DYNC2I1: variants seen among roughly 807,000 people sequenced by gnomAD.
DYNC2I1 encodes cytoplasmic dynein 2 intermediate chain 1.
DYNC2I1 carries 89 observed loss-of-function variants against 133.4 expected under a neutral mutation model. That is an observed-to-expected ratio of 0.67 (90% CI 0.56 to 0.80). The LOEUF (loss-of-function observed/expected upper bound fraction) is 0.80. DYNC2I1 is among the 30% of genes least tolerant of loss of function. The pLI is 0.00. For synonymous variants in DYNC2I1, 504 were observed against 484.3 expected, an observed-to-expected ratio of 1.04 and a Z score of -0.54; for missense variants, 1,291 against 1,314.5, an observed-to-expected ratio of 0.98 and a Z score of 0.28.
At chr7:158,882,765 A>G (rs1317617355) in intron 5 of DYNC2I1, among the ~76,000 whole-genome samples, 1 of 151,982 alleles carries the variant, frequency 6.6e-6, no homozygotes, top group Non-Finnish European at 1.5e-5. Context: ...AATCCCAGCT[A>G]CTTGGGAGGC....
At chr7:158,865,623 T>C (rs1361655883) in intron 1 of DYNC2I1, among the ~76,000 whole-genome samples, 1 of 152,178 alleles carries the variant, frequency 6.6e-6, no homozygotes, top group Non-Finnish European at 1.5e-5. Flanking sequence ...TTTTGCTGCT[T>C]AGCTCTCCTG....
chr7:158,868,455 C>T (rs903008018), intron 1 of DYNC2I1, among the ~76,000 whole-genome samples: 1 of 152,222 alleles, frequency 6.6e-6, no homozygotes, highest in African/African-American at 2.4e-5. Context: ...GATTATCCAA[C>T]GAGGAACAAA....
the DYNC2I1 span, among the ~76,000 whole-genome samples, chr7:158,841,920 G>A: frequency 6.6e-6 from 1 of 152,218 alleles, no homozygotes; most frequent in Non-Finnish European, 1.5e-5. Context: ...GTCCTCTGAT[G>A]GGAGCTTGTG....
chr7:158,945,706 A>C lies in DYNC2I1; in HGVS notation c.3128A>C (p.Glu1043Ala). The change falls in exon 25 of 25, where the codon GAG (glutamate) becomes GCG (alanine). Residue 1043 changes from glutamate to alanine, a missense_variant. By Grantham distance (107) the Glu-to-Ala change is moderately radical. Coordinates refer to ENST00000407559, the MANE Select transcript of DYNC2I1 (RefSeq NM_018051.5). This position sits in a 1 kb window ranked among gnomAD's most constrained non-coding sequence, Gnocchi z 4.1. ...QHLKRRWAAP[E>A]VDECNRLRLL... is the part of the protein sequence containing the mutation. ...CTGAAGAGGCGGTGGGCGGCCCCGG[A>C]GGTGGACGAGTGCAACAGGCTGCGT... 1 of 1,611,304 alleles carries C rather than the reference A, an allele frequency of 6.2e-7. No individual in the cohort carries two copies. Among genetic ancestry groups the C allele is most frequent in the Admixed American group, 1.7e-5 (1 of 59,680 alleles).
the DYNC2I1 span, among the ~76,000 whole-genome samples, chr7:158,839,891 T>C: frequency 6.6e-6 from 1 of 151,954 alleles, no homozygotes; most frequent in African/African-American, 2.4e-5. Context: ...CATCATCTTG[T>C]CTCGCGGCAG....
intron 23 of DYNC2I1, among the ~76,000 whole-genome samples, chr7:158,940,507 A>T (rs550116753): frequency 6.6e-6 from 1 of 152,202 alleles, no homozygotes; most frequent in Non-Finnish European, 1.5e-5. Context: ...CATTTACAGA[A>T]TATTTCTCTC....
chr7:158,923,116 T>C (rs1449919892), intron 16 of DYNC2I1, among the ~76,000 whole-genome samples: 1 of 152,156 alleles, frequency 6.6e-6, no homozygotes, highest in Non-Finnish European at 1.5e-5. Context: ...TTTGGGAAAA[T>C]GTGCATTTGT....
Position 158,942,124 on chromosome 7 carries a change from C to T in DYNC2I1, c.2978C>T (p.Ala993Val). 6.4e-7 allele frequency: 1 copy of T among 1,562,948 alleles called. No homozygotes were observed. The highest frequency in any genetic ancestry group is 8.7e-7 in the Non-Finnish European group (1 of 1,150,652). The change falls in exon 24 of 25, where the codon GCC (alanine) becomes GTC (valine). Residue 993 changes from alanine to valine, a missense_variant. Ala to Val is a moderately conservative substitution (Grantham distance 64). Coordinates refer to ENST00000407559, the MANE Select transcript of DYNC2I1 (RefSeq NM_018051.5). Reference sequence around the variant, plus strand: ...CTCCAGAGCGATCTGGGTCCTGTCGCCAAACAGCAGGTCTCCCCCAACAGG... The same window carrying T: ...CTCCAGAGCGATCTGGGTCCTGTCGTCAAACAGCAGGTCTCCCCCAACAGG... ...DLLQSDLGPVAKQQVSPNRLV... is the reference protein window; with the variant it reads ...DLLQSDLGPVVKQQVSPNRLV...
In DYNC2I1 at chr7:158,883,819, A is replaced by G. The variant is rs371310788; in HGVS notation, c.880-745A>G. The stretch of plus-strand genomic sequence containing the variant: ...GCTGGGACTACAGGCGCCCGCCACC[A>G]CACCCGGCTAATTTTTTTGTATTTT... On this transcript the variant is annotated intron_variant, in intron 5 of 24. Transcript: ENST00000407559. 3.0e-4 allele frequency among the ~76,000 whole-genome samples: 45 copies of G among 147,738 alleles called. 2 individuals carry two copies. The South Asian group carries it at 9.6e-3, about 32-fold the overall frequency.
At chr7:158,943,008 G>A (rs1349155396) in intron 24 of DYNC2I1, among the ~76,000 whole-genome samples, 1 of 152,084 alleles carries the variant, frequency 6.6e-6, no homozygotes, top group Admixed American at 6.6e-5. Context: ...TTTTTCTTGA[G>A]ATTTTTACAT....
intron 14 of DYNC2I1, among the ~76,000 whole-genome samples, chr7:158,917,242 C>CA (rs1848490490): frequency 8.3e-6 from 1 of 119,764 alleles, no homozygotes; most frequent in Admixed American, 7.5e-5. Context: ...GAAATGTTGA[C>CA]ACGCTCGTTG....
At chr7:158,858,884 T>G (rs1317057384) in intron 1 of DYNC2I1, among the ~76,000 whole-genome samples, 3 of 39,702 alleles carry the variant, frequency 7.6e-5, no homozygotes, top group African/African-American at 3.5e-4. Context: ...GCCCTCCCCT[T>G]TCCCCTCCCT....
chr7:158,934,129 T>A lies in DYNC2I1; in HGVS notation c.2547T>A (p.Ser849Arg), dbSNP rs910475094. The A allele has an allele frequency of 3.7e-6, 6 of 1,605,438 alleles. No individual in the cohort carries two copies. In the African/African-American group the frequency reaches 5.4e-5, roughly 14 times the overall value. The change falls in exon 22 of 25, where the codon AGT (serine) becomes AGA (arginine). Residue 849 changes from serine to arginine, a missense_variant and splice_region_variant. Coordinates refer to ENST00000407559, the MANE Select transcript of DYNC2I1 (RefSeq NM_018051.5). Reference protein sequence around the residue: ...VHSALIQLGDSLSHKGNEFWG... With the variant: ...VHSALIQLGDRLSHKGNEFWG... ...TCATTTTGTTACTTTATTTTTTCAG[T>A]CTTTCCCATAAAGGTAATGAATTTT...
intron 3 of DYNC2I1, among the ~76,000 whole-genome samples, chr7:158,875,384 T>C (rs1843262223): frequency 6.6e-6 from 1 of 152,190 alleles, no homozygotes; most frequent in East Asian, 1.9e-4. Flanking sequence ...TGAGCTACCG[T>C]GCCCAGCCTG....
At chr7:158,856,900 C>G in intron 1 of DYNC2I1, 150 bp downstream of exon 1, 1 of 963,308 alleles carries the variant, frequency 1.0e-6, no homozygotes, top group Non-Finnish European at 1.3e-6. Flanking sequence ...GCCTCCGAGG[C>G]AGGAAGGGAA....
intron 15 of DYNC2I1, 56 bp from the exon 16 acceptor site, chr7:158,922,321 T>G (rs1849180934): frequency 6.4e-7 from 1 of 1,561,306 alleles, no homozygotes; most frequent in Non-Finnish European, 8.7e-7. Flanking sequence ...GTGTGTTAAA[T>G]TTAACTTGGA....
At chr7:158,878,534 T>G (rs1261007169) in intron 4 of DYNC2I1, among the ~76,000 whole-genome samples, 264 of 35,350 alleles carry the variant, frequency 7.5e-3, no homozygotes, top group South Asian at 0.014. Context: ...CATGTGGGGA[T>G]GCCAGGAGGG....
intron 1 of DYNC2I1, among the ~76,000 whole-genome samples, chr7:158,867,864 G>C (rs1424028967): frequency 6.6e-6 from 1 of 152,130 alleles, no homozygotes; most frequent in Non-Finnish European, 1.5e-5. Flanking sequence ...GCAGGAAGGC[G>C]CACAGCTGGG....
rs1220863994 is a variant in DYNC2I1, at chr7:158,916,609, C to G, written c.1792-2131C>G. 1.7e-4 allele frequency among the ~76,000 whole-genome samples: 11 copies of G among 63,386 alleles called. 1 individual carries two copies. Among genetic ancestry groups the G allele is most frequent in the African/African-American group, 5.0e-4 (9 of 17,900 alleles). The allele number at this position is 63,386 out of a possible 152,430, so 41.6% of individuals were successfully genotyped here. A position where few individuals can be genotyped will look rare whatever the true frequency, so the allele number is the denominator to read the frequency against. On this transcript the variant is annotated intron_variant, in intron 14 of 24. Coordinates refer to ENST00000407559, the MANE Select transcript of DYNC2I1 (RefSeq NM_018051.5). Reference sequence around the variant, plus strand: ...TGTGAAACGTCGACACGCTGGTTGACATTAAGGATGATTGTGAAACGTCTA... The same window carrying G: ...TGTGAAACGTCGACACGCTGGTTGAGATTAAGGATGATTGTGAAACGTCTA...
Sources: gnomAD v4.1 joint callset for allele counts (sites outside exome capture counted in the v4.1 genomes callset) on GRCh38, gnomAD v4.1.1 for gene constraint, Gnocchi (gnomAD v3.1) non-coding constraint, MANE v1.5 for transcripts, NCBI Gene and HGNC (gene_info 2026-07-23, HGNC 2026-07-21) for gene names.